The following SMAP1 variants were observed in gnomAD, a reference collection of about 807,000 sequenced individuals.
The protein encoded by SMAP1 is small ArfGAP 1, also known as stromal membrane-associated protein 1.
Under a neutral mutation model 58.5 loss-of-function variants are expected in SMAP1, and 24 were observed. The observed-to-expected ratio is 0.41, with a 90% CI of 0.30 to 0.58. The LOEUF (loss-of-function observed/expected upper bound fraction) is 0.58. Ranked by LOEUF, SMAP1 falls within the 20% of genes least tolerant of loss-of-function variation. The pLI, the probability that SMAP1 is intolerant of heterozygous loss-of-function variation, is 0.29. For missense variants in SMAP1, 563 were observed against 566.3 expected, an observed-to-expected ratio of 0.99 and a Z score of 0.06; for synonymous variants, 216 against 196.6, an observed-to-expected ratio of 1.10 and a Z score of -0.82.
intron 7 of SMAP1, among the ~76,000 whole-genome samples, chr6:70,849,929 C>T (rs1358633496): frequency 6.6e-6 from 1 of 152,146 alleles, no homozygotes; most frequent in African/African-American, 2.4e-5. Flanking sequence ...TAAGACTTTG[C>T]TCCTGCTCTG....
chr6:70,742,684 C>G (rs1390430574), intron 2 of SMAP1, among the ~76,000 whole-genome samples: 1 of 152,148 alleles, frequency 6.6e-6, no homozygotes, highest in Admixed American at 6.6e-5. Flanking sequence ...ACTCCCGGTA[C>G]CAGTTTACTG....
At chr6:70,850,269 T>C (rs1447643546) in intron 7 of SMAP1, among the ~76,000 whole-genome samples, 1 of 152,160 alleles carries the variant, frequency 6.6e-6, no homozygotes, top group Non-Finnish European at 1.5e-5. Flanking sequence ...TGACATGTGC[T>C]GTGGTAAAAA....
At chr6:70,840,174 A>G (rs1288945558) in intron 7 of SMAP1, among the ~76,000 whole-genome samples, 1 of 152,248 alleles carries the variant, frequency 6.6e-6, no homozygotes. Flanking sequence ...GAGAACTTGT[A>G]TAGCGATAGT....
intron 3 of SMAP1, among the ~76,000 whole-genome samples, chr6:70,770,910 C>T (rs959262536): frequency 3.3e-5 from 5 of 152,018 alleles, no homozygotes; most frequent in East Asian, 1.9e-4. Context: ...ATGATGGTGA[C>T]GTACAGATGG....
intron 3 of SMAP1, among the ~76,000 whole-genome samples, chr6:70,771,648 G>C (rs569754058): frequency 6.6e-6 from 1 of 152,104 alleles, no homozygotes; most frequent in Admixed American, 6.5e-5. Flanking sequence ...TCCAGGTGCC[G>C]TCTGTCACCC....
intron 3 of SMAP1, among the ~76,000 whole-genome samples, chr6:70,763,001 A>G (rs1377358370): frequency 6.6e-6 from 1 of 151,938 alleles, no homozygotes; most frequent in Non-Finnish European, 1.5e-5. Context: ...TATACTTAAC[A>G]TAGTTAACTT....
intron 4 of SMAP1, among the ~76,000 whole-genome samples, chr6:70,778,768 G>T (rs1027292674): frequency 6.6e-6 from 1 of 152,192 alleles, no homozygotes. Context: ...GGTGTTGGTG[G>T]CAGCAGCTCT....
intron 1 of SMAP1, among the ~76,000 whole-genome samples, chr6:70,682,170 ATTTTTTTTTTTTTTTTT>A (rs66981900): frequency 0.21 from 20,334 of 96,152 alleles, 2,148 homozygotes; most frequent in African/African-American, 0.36. Context: ...CTCTGCACAG[ATTTTTTTTTTTTTTTTT>A]TTTTTTTTTT....
At chr6:70,683,973 T>C (rs1206559930) in intron 1 of SMAP1, among the ~76,000 whole-genome samples, 3 of 152,232 alleles carry the variant, frequency 2.0e-5, no homozygotes, top group Non-Finnish European at 4.4e-5. Flanking sequence ...AACTTTTTAA[T>C]CTTTTCATTC....
intron 1 of SMAP1, among the ~76,000 whole-genome samples, chr6:70,676,621 T>C (rs1766493004): frequency 6.6e-6 from 1 of 152,178 alleles, no homozygotes. Flanking sequence ...TTCGGCTAAC[T>C]TAAGGTTTTT....
intron 1 of SMAP1, among the ~76,000 whole-genome samples, chr6:70,685,584 A>G (rs1236110136): frequency 6.6e-6 from 1 of 152,216 alleles, no homozygotes; most frequent in East Asian, 1.9e-4. Context: ...TGTAGGAATA[A>G]CCAGGTAAAC....
At chr6:70,675,122 A>G (rs1297231454) in intron 1 of SMAP1, among the ~76,000 whole-genome samples, 2 of 149,674 alleles carry the variant, frequency 1.3e-5, no homozygotes, top group African/African-American at 4.9e-5. Context: ...GGGTAGCTCC[A>G]TTGTGACCTG....
chr6:70,747,244 T>A (rs150473626), intron 2 of SMAP1, among the ~76,000 whole-genome samples: 28 of 152,356 alleles, frequency 1.8e-4, no homozygotes, highest in Admixed American at 1.4e-3. Flanking sequence ...TAATATTTTT[T>A]AAATGTATCA....
chr6:70,771,297 G>A (rs1418721945), intron 3 of SMAP1, among the ~76,000 whole-genome samples: 1 of 152,230 alleles, frequency 6.6e-6, no homozygotes. Flanking sequence ...AGACAGGGAT[G>A]TTTAAGTCTG....
intron 3 of SMAP1, among the ~76,000 whole-genome samples, chr6:70,763,642 G>A (rs1218497116): frequency 1.3e-5 from 2 of 152,166 alleles, no homozygotes; most frequent in East Asian, 1.9e-4. Flanking sequence ...AAATAGTCAA[G>A]TTGTGAATGC....
chr6:70,718,988 A>T (rs1768396877), intron 1 of SMAP1, among the ~76,000 whole-genome samples: 1 of 152,168 alleles, frequency 6.6e-6, no homozygotes, highest in Non-Finnish European at 1.5e-5. Context: ...AGATTATTAT[A>T]AAAACATTTA....
Position 70,730,068 on chromosome 6 carries a change from C to G in SMAP1, c.119-2310C>G, listed in dbSNP as rs892102606. On this transcript the variant is annotated intron_variant, in intron 1 of 10. Coordinates refer to ENST00000370455, the MANE Select transcript of SMAP1 (RefSeq NM_001044305.3). ...TTTCTGCTTCCCTTCTCTCTCCCTTCTCCCCCTGACCCTCCTTTTTTTTCT... is the reference window on the plus strand; with the variant it reads ...TTTCTGCTTCCCTTCTCTCTCCCTTGTCCCCCTGACCCTCCTTTTTTTTCT... Among the ~76,000 whole-genome samples, 4 of 152,188 alleles carry G rather than the reference C, an allele frequency of 2.6e-5. 1 individual carries two copies. The South Asian group carries it at 6.2e-4, about 24-fold the overall frequency.
At chr6:70,793,011 G>C (rs1228053597) in intron 5 of SMAP1, among the ~76,000 whole-genome samples, 1 of 152,072 alleles carries the variant, frequency 6.6e-6, no homozygotes, top group Non-Finnish European at 1.5e-5. Flanking sequence ...ATGTAAAAGA[G>C]AGTGTAATTT....
intron 1 of SMAP1, among the ~76,000 whole-genome samples, chr6:70,726,414 C>G (rs936385970): frequency 1.3e-5 from 2 of 152,130 alleles, no homozygotes; most frequent in Non-Finnish European, 2.9e-5. Context: ...TCAGAAAAGA[C>G]AGATAAAACA....
Sources: allele counts gnomAD v4.1 joint callset (sites outside exome capture counted in the v4.1 genomes callset), GRCh38; gene constraint gnomAD v4.1.1; transcripts MANE v1.5; gene names NCBI Gene and HGNC (gene_info 2026-07-23, HGNC 2026-07-21).